MED12L: variants seen among roughly 807,000 people sequenced by gnomAD.
MED12L encodes mediator complex subunit 12L, also known as mediator of RNA polymerase II transcription subunit 12-like protein.
In MED12L, 60 loss-of-function variants were observed where a neutral mutation model predicts 281.3. The observed-to-expected ratio is 0.21, with a 90% CI of 0.17 to 0.26. The LOEUF (loss-of-function observed/expected upper bound fraction) is 0.26. MED12L is among the 10% of genes least tolerant of loss of function. The pLI is 1.00. For missense variants in MED12L, 2,146 were observed against 2,680.9 expected (o/e 0.80, Z 4.41); for synonymous variants, 974 against 987.2 (o/e 0.99, Z 0.25).
chr3:151,344,655 G>C (rs1345633496), intron 16 of MED12L, among the ~76,000 whole-genome samples: 5 of 152,196 alleles, frequency 3.3e-5, no homozygotes, highest in African/African-American at 1.2e-4. Flanking sequence ...AAATTAGGAA[G>C]TACTGGGAAG....
chr3:151,117,762 A>G lies in MED12L; in HGVS notation c.204+1320A>G, dbSNP rs372178515. Among the ~76,000 whole-genome samples, 343 of 151,960 alleles carry G rather than the reference A, an allele frequency of 2.3e-3. 8 individuals are homozygous for G. In the South Asian group the frequency reaches 0.059, roughly 26 times the overall value. On this transcript the variant is annotated intron_variant, in intron 3 of 44. Transcript: ENST00000687756. ...ATGTTGTGCTCAAAAAATTTTTTTA[A>G]AATTAAATGTCTTTTTCTGTGTGTT...
At chr3:151,423,016 A>ATAT (rs1553820290) in intron 43 of MED12L, among the ~76,000 whole-genome samples, 2,028 of 141,592 alleles carry the variant, frequency 0.014, 17 homozygotes, top group South Asian at 0.018. Flanking sequence ...AGATCATAAA[A>ATAT]ATATATATAT....
At chr3:151,357,091 G>A in intron 19 of MED12L, 122 bp from the exon 20 acceptor site, 1 of 889,110 alleles carries the variant, frequency 1.1e-6, no homozygotes, top group Non-Finnish European at 1.7e-6. Context: ...TTTTAAAAAA[G>A]TTAAATTTAG....
intron 16 of MED12L, among the ~76,000 whole-genome samples, chr3:151,246,460 A>G (rs1735502322): frequency 6.6e-6 from 1 of 152,090 alleles, no homozygotes; most frequent in Non-Finnish European, 1.5e-5. Flanking sequence ...CCTCAGAAAT[A>G]ACGCCGCATA....
At chr3:151,279,299 A>G (rs760354178) in intron 16 of MED12L, among the ~76,000 whole-genome samples, 4 of 152,230 alleles carry the variant, frequency 2.6e-5, no homozygotes, top group Non-Finnish European at 5.9e-5. Context: ...ATAGCTATAC[A>G]TTTAGTTATA....
chr3:151,171,264 C>T (rs148130228), intron 11 of MED12L, among the ~76,000 whole-genome samples: 1 of 152,262 alleles, frequency 6.6e-6, no homozygotes, highest in African/African-American at 2.4e-5. Context: ...GTGACCTCAC[C>T]TCTGAGCAGC....
intron 16 of MED12L, among the ~76,000 whole-genome samples, chr3:151,216,920 G>T (rs532987760): frequency 6.6e-6 from 1 of 152,128 alleles, no homozygotes; most frequent in Non-Finnish European, 1.5e-5. Context: ...CAGAGCTTGA[G>T]AGAATGCATG....
chr3:151,143,258 A>C (rs961626310), intron 5 of MED12L, among the ~76,000 whole-genome samples: 3 of 152,180 alleles, frequency 2.0e-5, no homozygotes, highest in Non-Finnish European at 4.4e-5. Context: ...TTGTGTTCTA[A>C]TGAAAGACTC....
At chr3:151,116,482 T>G (rs754799512) in intron 3 of MED12L, 40 bp downstream of exon 3, 74 of 1,261,188 alleles carry the variant, frequency 5.9e-5, no homozygotes, top group Non-Finnish European at 8.1e-5. Context: ...CCTGAAAAAG[T>G]GTGTATATGT....
chr3:151,198,917 A>C, intron 16 of MED12L: 1 of 1,613,974 alleles, frequency 6.2e-7, no homozygotes, highest in African/African-American at 1.3e-5. Flanking sequence ...CTTTTCCTTG[A>C]TGTCTTTGAT....
rs1719079796 is a variant in MED12L at position 151,085,793 on chromosome 3, T to A, written c.-273T>A. 1 of 151,846 alleles carries A rather than the reference T, an allele frequency of 6.6e-6. No homozygotes were observed. Among genetic ancestry groups the A allele is most frequent in the Non-Finnish European group, 1.5e-5 (1 of 67,920 alleles). The allele number at this position is 151,846 out of a possible 1,614,324, so 9.4% of individuals were successfully genotyped here. A position where few individuals can be genotyped will look rare whatever the true frequency, so the allele number is the denominator to read the frequency against. On this transcript the variant is annotated 5_prime_UTR_variant, in exon 1 of 45. Transcript: ENST00000687756. Reference sequence around the variant, plus strand: ...CCAGACAGTGGCAAACTTCGCGGCGTTCCCGGAGCTCGTCCGGGCGAGGCA... The same window carrying A: ...CCAGACAGTGGCAAACTTCGCGGCGATCCCGGAGCTCGTCCGGGCGAGGCA...
intron 16 of MED12L, among the ~76,000 whole-genome samples, chr3:151,251,213 C>G (rs1736786699): frequency 6.6e-6 from 1 of 152,166 alleles, no homozygotes; most frequent in Non-Finnish European, 1.5e-5. Flanking sequence ...CCTTGCACCT[C>G]TGTACACTGT....
chr3:151,087,250 T>C (rs539803766), intron 2 of MED12L, among the ~76,000 whole-genome samples: 2 of 152,352 alleles, frequency 1.3e-5, no homozygotes, highest in South Asian at 4.1e-4. Context: ...CATGTGCCGG[T>C]CGCTTTCCCG....
intron 11 of MED12L, among the ~76,000 whole-genome samples, chr3:151,168,316 A>G (rs977738364): frequency 2.0e-5 from 3 of 152,212 alleles, no homozygotes; most frequent in Admixed American, 1.3e-4. Context: ...TTATGATCGT[A>G]TAGGTATAGA....
At position 151,211,373 on chromosome 3, in the gene MED12L, TTTTTTTGTTTCGTTTTTG is replaced by T. The variant is rs1727130376; in HGVS notation, c.2250+17718_2250+17735del. 4.0e-5 allele frequency among the ~76,000 whole-genome samples: 6 copies of T among 150,640 alleles called. No individual in the cohort carries two copies. In the South Asian group the frequency reaches 1.0e-3, roughly 26 times the overall value. ...AAGAATAAACACTGCCTTTGTTTTTTTTTTTTGTTTCGTTTTTGTTTTTTGTTTTTTTTTTGCAGATGT... is the reference window on the plus strand; with the variant it reads ...AAGAATAAACACTGCCTTTGTTTTTTTTTTTTGTTTTTTTTTTGCAGATGT... On this transcript the variant is annotated intron_variant, in intron 16 of 44. Coordinates refer to ENST00000687756, the MANE Select transcript of MED12L (RefSeq NM_001393769.1).
At chr3:151,310,522 A>G (rs1246814901) in intron 16 of MED12L, among the ~76,000 whole-genome samples, 1 of 152,208 alleles carries the variant, frequency 6.6e-6, no homozygotes, top group Non-Finnish European at 1.5e-5. Flanking sequence ...TACTCTACAT[A>G]ATAAGAATGG....
intron 38 of MED12L, among the ~76,000 whole-genome samples, chr3:151,390,484 A>T (rs1278487460): frequency 6.6e-6 from 1 of 152,220 alleles, no homozygotes; most frequent in African/African-American, 2.4e-5. Flanking sequence ...ACAATATTGC[A>T]CAGTGTCTTT....
intron 5 of MED12L, among the ~76,000 whole-genome samples, chr3:151,146,539 G>A (rs1418159440): frequency 6.6e-6 from 1 of 152,064 alleles, no homozygotes; most frequent in African/African-American, 2.4e-5. Context: ...ATATTGATGG[G>A]TTTTATTTTA....
intron 16 of MED12L, among the ~76,000 whole-genome samples, chr3:151,277,453 A>G (rs561761458): frequency 6.6e-6 from 1 of 152,116 alleles, no homozygotes; most frequent in South Asian, 2.1e-4. Context: ...TCAAGTTTGT[A>G]TGTTTTAGAA....
Sources: gnomAD v4.1 joint callset for allele counts (sites outside exome capture counted in the v4.1 genomes callset) on GRCh38, gnomAD v4.1.1 for gene constraint, MANE v1.5 for transcripts, NCBI Gene and HGNC (gene_info 2026-07-23, HGNC 2026-07-21) for gene names.